Variants in SYNE1 observed in about 807,000 individuals in gnomAD.
The protein encoded by SYNE1 is nesprin-1.
SYNE1 carries 616 observed loss-of-function variants against 1,111.0 expected under a neutral mutation model. The observed-to-expected ratio is 0.55, with a 90% confidence interval of 0.52 to 0.59. SYNE1 has a LOEUF of 0.59. SYNE1 is among the 20% of genes least tolerant of loss of function. The probability of loss-of-function intolerance (pLI) is 0.00; values close to 1 mark genes in which losing one functional copy is unlikely to be tolerated. For missense variants in SYNE1, 10,006 were observed against 10,417.0 expected, an observed-to-expected ratio of 0.96 and a Z score of 1.72; for synonymous variants, 3,855 against 3,825.8, an observed-to-expected ratio of 1.01 and a Z score of -0.28.
chr6:152,436,048 C>T lies in SYNE1; in HGVS notation c.4203G>A (p.Lys1401=), dbSNP rs1298192329. The change falls in exon 33 of 146, where the codon AAG becomes AAA. Residue 1401 remains lysine (K), a synonymous_variant. Transcript: ENST00000367255. ...GCCCAAGCGGTATCTCTGAAGCTTC[C>T]TTTACAAGGTTCTCAGCCTGGACTG... ...SIAVQAENLV[K]EASEIPLGPQ... 1.2e-6 allele frequency: 2 copies of T among 1,614,076 alleles called. No homozygotes were observed. Among genetic ancestry groups the T allele is most frequent in the African/African-American group, 1.3e-5 (1 of 75,024 alleles).
chr6:152,165,558 TA>T (rs996296435), intron 130 of SYNE1, among the ~76,000 whole-genome samples: 30 of 152,234 alleles, frequency 2.0e-4, no homozygotes, highest in African/African-American at 7.2e-4. Flanking sequence ...TTTATTGTTT[TA>T]AAAAATGTGT....
chr6:152,600,600 G>A (rs2099593851), intron 3 of SYNE1, among the ~76,000 whole-genome samples: 1 of 152,236 alleles, frequency 6.6e-6, no homozygotes, highest in African/African-American at 2.4e-5. Flanking sequence ...AAATGGATCT[G>A]CTGAAAATCT....
chr6:152,326,260 T>G, intron 79 of SYNE1, 36 bp downstream of exon 79: 1 of 1,613,480 alleles, frequency 6.2e-7, no homozygotes, highest in South Asian at 1.1e-5. Flanking sequence ...GAAATTCATT[T>G]CACTAAAACA....
chr6:152,524,738 C>T (rs1160574161), intron 5 of SYNE1, among the ~76,000 whole-genome samples: 1 of 152,018 alleles, frequency 6.6e-6, no homozygotes, highest in Non-Finnish European at 1.5e-5. Flanking sequence ...GAAAAGCTAA[C>T]AAAGGATGTG....
intron 44 of SYNE1, among the ~76,000 whole-genome samples, chr6:152,408,762 T>C (rs1171732222): frequency 1.3e-5 from 2 of 152,166 alleles, no homozygotes; most frequent in African/African-American, 4.8e-5. Flanking sequence ...GAGACCAGCC[T>C]GACCAACATG....
chr6:152,476,672 C>A (rs749261489), intron 14 of SYNE1, among the ~76,000 whole-genome samples: 35 of 151,914 alleles, frequency 2.3e-4, no homozygotes, highest in Non-Finnish European at 4.4e-4. Context: ...AGTTTGAGAC[C>A]AGGCTGGGCA....
chr6:152,269,058 TTAGTAC>T, intron 99 of SYNE1, 91 bp downstream of exon 99: 1 of 1,570,896 alleles, frequency 6.4e-7, no homozygotes, highest in Non-Finnish European at 8.7e-7. Flanking sequence ...CACTCTGTCT[TTAGTAC>T]AGAAGCAACT....
At chr6:152,498,719 A>G (rs369025420) in intron 11 of SYNE1, 23 bp downstream of exon 11, 44 of 1,525,108 alleles carry the variant, frequency 2.9e-5, no homozygotes, top group East Asian at 6.9e-5. Flanking sequence ...GAGGTCATCA[A>G]TGCAAGATTA....
chr6:152,125,102 G>T (rs1166345227), intron 145 of SYNE1, among the ~76,000 whole-genome samples: 1 of 152,204 alleles, frequency 6.6e-6, no homozygotes, highest in Non-Finnish European at 1.5e-5. Flanking sequence ...GGAGACTCTA[G>T]ACAGGCTGAA....
chr6:152,139,862 A>G (rs2058172358), intron 140 of SYNE1, 88 bp downstream of exon 140: 3 of 1,396,398 alleles, frequency 2.1e-6, no homozygotes, highest in Non-Finnish European at 2.0e-6. Context: ...GCTGTGTAAG[A>G]GCAGCTCGAA....
intron 49 of SYNE1, among the ~76,000 whole-genome samples, chr6:152,398,132 C>T (rs2097764191): frequency 6.6e-6 from 1 of 152,158 alleles, no homozygotes; most frequent in Admixed American, 6.5e-5. Context: ...CTTAACTCTA[C>T]TTCACCATGG....
At chr6:152,547,043 T>C (rs1035934950) in intron 3 of SYNE1, 1 of 152,268 alleles carries the variant, frequency 6.6e-6, no homozygotes, top group Non-Finnish European at 1.5e-5. Context: ...GCCTGATACA[T>C]GAGTGAGCCG....
At chr6:152,606,710 C>G (rs1454406443) in intron 3 of SYNE1, among the ~76,000 whole-genome samples, 3 of 152,038 alleles carry the variant, frequency 2.0e-5, no homozygotes, top group South Asian at 2.1e-4. Context: ...TGCAGTGGCA[C>G]GATCTCGGCT....
Position 152,471,606 on chromosome 6 carries a change from T to C in SYNE1, c.1623A>G (p.Gln541=). ...GRRESVEQLL[Q]NYVSFIENSK... ...AGCACGGGGGACTCACCACGTAGTT[T>C]TGTAGAAGCTGCTCCACTGACTCTC... is the stretch of plus-strand genomic sequence containing the variant. The change falls in exon 16 of 146, where the codon CAA becomes CAG. Residue 541 remains glutamine, a synonymous_variant. Coordinates refer to ENST00000367255, the MANE Select transcript of SYNE1 (RefSeq NM_182961.4). 4 of 1,613,898 alleles carry C rather than the reference T, an allele frequency of 2.5e-6. No homozygotes were observed. The highest frequency in any genetic ancestry group is 1.3e-5 in the African/African-American group (1 of 75,038).
At chr6:152,403,563 AT>A (rs2097851632) in intron 46 of SYNE1, among the ~76,000 whole-genome samples, 1 of 152,096 alleles carries the variant, frequency 6.6e-6, no homozygotes, top group Non-Finnish European at 1.5e-5. Flanking sequence ...TCTACAAAAA[AT>A]TTAAAAAATT....
intron 77 of SYNE1, 46 bp from the exon 78 acceptor site, chr6:152,331,936 T>C: frequency 1.9e-6 from 3 of 1,602,180 alleles, no homozygotes; most frequent in Non-Finnish European, 2.5e-6. Flanking sequence ...CTGTAGTCAA[T>C]ATCGATGTTT....
chr6:152,145,484 T>C lies in SYNE1; in HGVS notation c.24977-1719A>G, dbSNP rs202030113. On this transcript the variant is annotated intron_variant, in intron 137 of 145. Coordinates refer to ENST00000367255, the MANE Select transcript of SYNE1 (RefSeq NM_182961.4). ...GAGGCTGGCTCCGGCTTGTTGTGCC[T>C]ACCGGAGGTATTTTTGATTGCATTT... 1.9e-4 allele frequency: 302 copies of C among 1,613,804 alleles called. 3 individuals carry two copies. The East Asian group carries it at 6.6e-3, about 36-fold the overall frequency.
At chr6:152,427,500 T>G (rs977571835) in intron 38 of SYNE1, 193 bp downstream of exon 38, 5 of 647,550 alleles carry the variant, frequency 7.7e-6, no homozygotes, top group Non-Finnish European at 1.3e-5. Context: ...AAGTTCTCAT[T>G]GTTAGTTTCT....
chr6:152,153,974 T>C (rs1269370518), intron 133 of SYNE1, among the ~76,000 whole-genome samples: 3 of 152,160 alleles, frequency 2.0e-5, no homozygotes, highest in African/African-American at 7.2e-5. Context: ...AAGGTAAAAA[T>C]GAATGCAGCT....
Sources: allele counts gnomAD v4.1 joint callset (sites outside exome capture counted in the v4.1 genomes callset), GRCh38; gene constraint gnomAD v4.1.1; transcripts MANE v1.5; gene names NCBI Gene and HGNC (gene_info 2026-07-23, HGNC 2026-07-21).